The following ZFYVE28 variants were observed in gnomAD, a reference collection of about 807,000 sequenced individuals.
ZFYVE28 encodes the protein zinc finger FYVE-type containing 28.
ZFYVE28 carries 40 observed loss-of-function variants against 82.1 expected under a neutral mutation model. The observed-to-expected ratio is 0.49, with a 90% CI of 0.38 to 0.63. The LOEUF (loss-of-function observed/expected upper bound fraction) is 0.63. Ranked by LOEUF, ZFYVE28 falls within the 30% of genes least tolerant of loss-of-function variation. ZFYVE28 has a pLI of 0.00. For missense variants in ZFYVE28, 1,321 were observed against 1,242.1 expected, an observed-to-expected ratio of 1.06 and a Z score of -0.96; for synonymous variants, 612 against 546.1, an observed-to-expected ratio of 1.12 and a Z score of -1.68.
At chr4:2,380,783 A>G (rs1415148265) in intron 1 of ZFYVE28, among the ~76,000 whole-genome samples, 2 of 152,138 alleles carry the variant, frequency 1.3e-5, no homozygotes, top group African/African-American at 4.8e-5. Flanking sequence ...TTCTCTTGCC[A>G]CTGCCATGTA....
chr4:2,404,813 T>C (rs1731657606), intron 1 of ZFYVE28, among the ~76,000 whole-genome samples: 1 of 151,538 alleles, frequency 6.6e-6, no homozygotes, highest in African/African-American at 2.4e-5. Context: ...TTGCTTTCAA[T>C]GGTTACCTAT....
At chr4:2,390,791 A>G (rs1729740046) in intron 1 of ZFYVE28, among the ~76,000 whole-genome samples, 2 of 152,222 alleles carry the variant, frequency 1.3e-5, no homozygotes, top group African/African-American at 4.8e-5. Flanking sequence ...TCAGAATATA[A>G]TGAAGTTGTT....
rs1726300852 is a variant in ZFYVE28 at position 2,362,508 on chromosome 4, C to G, written c.40-8435G>C. On this transcript the variant is annotated intron_variant, in intron 1 of 12. Coordinates refer to ENST00000290974, the MANE Select transcript of ZFYVE28 (RefSeq NM_020972.3). The surrounding 1 kb of genome is among the most constrained non-coding windows in gnomAD (Gnocchi z 5.1). ...CTGCTGCCAATCACAGGCCCAGCCCCTCCTGCACATGCCCAACCCCTCCTG... is the reference window on the plus strand; with the variant it reads ...CTGCTGCCAATCACAGGCCCAGCCCGTCCTGCACATGCCCAACCCCTCCTG... 6.6e-6 allele frequency among the ~76,000 whole-genome samples: 1 copy of G among 151,724 alleles called. No individual in the cohort carries two copies. Among genetic ancestry groups the G allele is most frequent in the Non-Finnish European group, 1.5e-5 (1 of 68,016 alleles).
At chr4:2,382,540 C>G (rs1023615008) in intron 1 of ZFYVE28, among the ~76,000 whole-genome samples, 6 of 152,120 alleles carry the variant, frequency 3.9e-5, no homozygotes, top group African/African-American at 1.4e-4. Context: ...CTTGCATGGG[C>G]CCTGTAACCC....
In ZFYVE28 at chr4:2,339,537, G is replaced by A. The variant is rs754752842; in HGVS notation, c.437C>T (p.Ala146Val). 24 of 1,613,580 alleles carry A rather than the reference G, an allele frequency of 1.5e-5. No homozygotes were observed. Among genetic ancestry groups the A allele is most frequent in the Middle Eastern group, 1.6e-4 (1 of 6,084 alleles). Residue 146 changes from alanine (A) to valine (V), a missense_variant, in exon 4 of 13, where the codon GCG becomes GTG. By Grantham distance (64) the Ala-to-Val change is moderately conservative (BLOSUM62 0). Coordinates refer to ENST00000290974, the MANE Select transcript of ZFYVE28 (RefSeq NM_020972.3). The surrounding 1 kb of genome is among the most constrained non-coding windows in gnomAD (Gnocchi z 5.0). ...EDVRGALRDQ[A>V]LRDLNTYTEK... ...TGTGTAGGTGTTCAGGTCCCGCAGC[G>A]CCTGGTCACGGAGGGCGCCCCGCAC...
rs1487526193 is a variant in ZFYVE28 at position 2,274,090 on chromosome 4, G to A, written c.2178C>T (p.Leu726=). Residue 726 remains leucine (L), a synonymous_variant, in exon 9 of 13, where the codon CTC becomes CTT. Transcript: ENST00000290974. The part of the protein sequence containing the change: ...IRSRFHGSHD[L]IHRLFVCISG... ...AAATGCAGACGAACAGGCGGTGGATGAGGTCGTGGCTGCCGTGGAACCTGG... is the reference window on the plus strand; with the variant it reads ...AAATGCAGACGAACAGGCGGTGGATAAGGTCGTGGCTGCCGTGGAACCTGG... The A allele has an allele frequency of 6.2e-7, 1 of 1,614,124 alleles. No homozygotes were observed. Among genetic ancestry groups the A allele is most frequent in the Admixed American group, 1.7e-5 (1 of 60,036 alleles).
intron 1 of ZFYVE28, among the ~76,000 whole-genome samples, chr4:2,401,066 G>C (rs1487763319): frequency 2.6e-5 from 4 of 152,216 alleles, no homozygotes; most frequent in African/African-American, 9.7e-5. Context: ...ATGTCCCCAG[G>C]TGAGCACAGT....
intron 7 of ZFYVE28, among the ~76,000 whole-genome samples, chr4:2,313,996 T>C (rs936908061): frequency 1.3e-5 from 2 of 152,184 alleles, no homozygotes; most frequent in African/African-American, 2.4e-5. Flanking sequence ...TATAGAGAGG[T>C]AAATTAAAGT....
At chr4:2,383,924 C>T (rs946380784) in intron 1 of ZFYVE28, among the ~76,000 whole-genome samples, 3 of 152,132 alleles carry the variant, frequency 2.0e-5, no homozygotes, top group Non-Finnish European at 2.9e-5. Context: ...AAAATGAGGT[C>T]GTCACACAGG....
intron 1 of ZFYVE28, among the ~76,000 whole-genome samples, chr4:2,385,840 G>A (rs551601739): frequency 2.6e-5 from 4 of 152,266 alleles, no homozygotes; most frequent in East Asian, 3.9e-4. Context: ...GCAGACAGGC[G>A]CCCTCACAGG....
In ZFYVE28 at chr4:2,290,672, C is replaced by T. The variant is rs76616181; in HGVS notation, c.2051+13617G>A. Among the ~76,000 whole-genome samples, 75 of 152,290 alleles carry T rather than the reference C, an allele frequency of 4.9e-4. No homozygotes were observed. The East Asian group carries it at 0.013, about 27-fold the overall frequency. On this transcript the variant is annotated intron_variant, in intron 8 of 12. Coordinates refer to ENST00000290974, the MANE Select transcript of ZFYVE28 (RefSeq NM_020972.3). ...CTTCAAGAAGTCAGCTCCTCTGGGA[C>T]GGCCTCACCCCTCTCCTGCTGTGGG...
rs1242686005 is a variant in ZFYVE28, at chr4:2,300,047, C to T, written c.2051+4242G>A. Among the ~76,000 whole-genome samples, 1 of 152,190 alleles carries T rather than the reference C, an allele frequency of 6.6e-6. No individual in the cohort carries two copies. Among genetic ancestry groups the T allele is most frequent in the African/African-American group, 2.4e-5 (1 of 41,454 alleles). ...TCCTGGCCTCAAGCAATACGCCTGC[C>T]TCAGCCCCCAAAGTGCTGGGAATAC... On this transcript the variant is annotated intron_variant, in intron 8 of 12. Transcript: ENST00000290974. This position sits in a 1 kb window ranked among gnomAD's most constrained non-coding sequence, Gnocchi z 4.6.
intron 8 of ZFYVE28, among the ~76,000 whole-genome samples, chr4:2,303,683 A>C (rs1382405751): frequency 6.6e-6 from 1 of 152,106 alleles, no homozygotes; most frequent in African/African-American, 2.4e-5. Flanking sequence ...ATCTCCCCCC[A>C]GTGCAGGGCA....
chr4:2,270,370 A>G lies in ZFYVE28; in HGVS notation c.*355T>C, dbSNP rs1302155334. On this transcript the variant is annotated 3_prime_UTR_variant, in exon 13 of 13. Coordinates refer to ENST00000290974, the MANE Select transcript of ZFYVE28 (RefSeq NM_020972.3). Reference sequence around the variant, plus strand: ...AACAGCAGAGGCGCAGAGTGGCCCCACTCTTGTCCACCTCCATCACCCGCC... The same window carrying G: ...AACAGCAGAGGCGCAGAGTGGCCCCGCTCTTGTCCACCTCCATCACCCGCC... 3.3e-6 allele frequency: 1 copy of G among 298,832 alleles called. No homozygotes were observed. Among genetic ancestry groups the G allele is most frequent in the African/African-American group, 2.2e-5 (1 of 45,242 alleles). 18.5% of individuals were successfully genotyped at this position (298,832 alleles called of 1,614,324 possible).
At chr4:2,346,316 T>C (rs1723578413) in intron 2 of ZFYVE28, among the ~76,000 whole-genome samples, 1 of 143,944 alleles carries the variant, frequency 6.9e-6, no homozygotes, top group Non-Finnish European at 1.5e-5. Flanking sequence ...CACTCCAGCC[T>C]GGGTGACTGA....
Position 2,341,209 on chromosome 4 carries a change from G to A in ZFYVE28, c.318+269C>T, listed in dbSNP as rs1032971327. 5.6e-6 allele frequency: 3 copies of A among 539,930 alleles called. No homozygotes were observed. The highest frequency in any genetic ancestry group is 9.9e-6 in the Non-Finnish European group (3 of 302,010). 33.4% of individuals were successfully genotyped at this position (539,930 alleles called of 1,614,324 possible). A position where few individuals can be genotyped will look rare whatever the true frequency, so the allele number is the denominator to read the frequency against. On this transcript the variant is annotated intron_variant, in intron 3 of 12. Coordinates refer to ENST00000290974, the MANE Select transcript of ZFYVE28 (RefSeq NM_020972.3). This position sits in a 1 kb window ranked among gnomAD's most constrained non-coding sequence, Gnocchi z 4.5. The stretch of plus-strand genomic sequence containing the variant: ...TAAAAACCACTTTTAGGTCCTGGCT[G>A]TCTGGGGGCCTGTGAACCTCATAAA...
At chr4:2,366,495 C>T (rs3128823) in intron 1 of ZFYVE28, among the ~76,000 whole-genome samples, 101,513 of 152,116 alleles carry the variant, frequency 0.67, 34,198 homozygotes, top group East Asian at 0.77. Context: ...GGCCAAGTTG[C>T]TCTCACTTGC....
chr4:2,270,632 C>A lies in ZFYVE28; in HGVS notation c.*93G>T. The A allele has an allele frequency of 6.4e-7, 1 of 1,558,636 alleles. No individual in the cohort carries two copies. Among genetic ancestry groups the A allele is most frequent in the African/African-American group, 1.3e-5 (1 of 74,262 alleles). ...GGTGCCCCTGCAGCAGCGGCAGCGG[C>A]CTCATGAGACGCAGTGAGACCTGCC... is the stretch of plus-strand genomic sequence containing the variant. On this transcript the variant is annotated 3_prime_UTR_variant, in exon 13 of 13. Coordinates refer to ENST00000290974, the MANE Select transcript of ZFYVE28 (RefSeq NM_020972.3).
chr4:2,305,312 T>C lies in ZFYVE28; in HGVS notation c.1028A>G (p.Glu343Gly). 6.2e-7 allele frequency: 1 copy of C among 1,612,874 alleles called. No individual in the cohort carries two copies. Among genetic ancestry groups the C allele is most frequent in the Non-Finnish European group, 8.5e-7 (1 of 1,179,886 alleles). The change falls in exon 8 of 13, where the codon GAG becomes GGG. Residue 343 changes from glutamate (E) to glycine (G), a missense_variant. By Grantham distance (98) the Glu-to-Gly change is moderately conservative. Transcript: ENST00000290974. ...CCTGTGGACCATGCGGCTGAGCTGC[T>C]CCAGCTCCTGGTCGTCGTACTGCAT... The part of the protein sequence containing the change: ...CSMQYDDQEL[E>G]QLSRMVHRAG...
Sources: allele counts gnomAD v4.1 joint callset (sites outside exome capture counted in the v4.1 genomes callset), GRCh38; gene constraint gnomAD v4.1.1; non-coding constraint Gnocchi (gnomAD v3.1); transcripts MANE v1.5; gene names NCBI Gene and HGNC (gene_info 2026-07-23, HGNC 2026-07-21).